The following NREP variants were observed in gnomAD, a reference collection of about 807,000 sequenced individuals.
NREP encodes the protein neuronal regeneration related protein.
Under a neutral mutation model 8.6 loss-of-function variants are expected in NREP, and 5 were observed. The ratio of observed to expected loss-of-function variants is 0.58; its 90% confidence interval spans 0.30 to 1.22. The LOEUF (loss-of-function observed/expected upper bound fraction) is 1.22, where lower values mean the gene tolerates loss of function less well. NREP is among the 50% of genes most tolerant of loss of function. The pLI, the probability that NREP is intolerant of heterozygous loss-of-function variation, is 0.07. For synonymous variants in NREP, 27 were observed against 28.0 expected (o/e 0.96, Z 0.11); for missense variants, 86 against 82.5 (o/e 1.04, Z -0.17).
At position 111,943,042 on chromosome 5, in the gene NREP, T is replaced by C. The variant is rs186127853; in HGVS notation, c.135+32232A>G. On this transcript the variant is annotated intron_variant, in intron 2 of 3. Transcript: ENST00000395634. ...TCCCCTTTGATCTCCTATACATATG[T>C]GGCTCCCATCTCATCACTGCTGTCT... Among the ~76,000 whole-genome samples, 1,300 of 152,060 alleles carry C rather than the reference T, an allele frequency of 8.5e-3. 14 individuals carry two copies. Among genetic ancestry groups the C allele is most frequent in the Middle Eastern group, 0.014 (4 of 294 alleles).
At chr5:111,864,115 A>G (rs557568471) in intron 2 of NREP, among the ~76,000 whole-genome samples, 1 of 152,144 alleles carries the variant, frequency 6.6e-6, no homozygotes, top group African/African-American at 2.4e-5. Context: ...TGGCATCTCT[A>G]ATCTACCAAA....
intron 2 of NREP, among the ~76,000 whole-genome samples, chr5:111,966,983 T>C (rs1213656227): frequency 1.3e-5 from 2 of 152,212 alleles, no homozygotes; most frequent in Admixed American, 1.3e-4. Flanking sequence ...CAAAGAGACA[T>C]CTGGCCCCCA....
intron 2 of NREP, among the ~76,000 whole-genome samples, chr5:111,820,134 G>C (rs368841507): frequency 6.9e-6 from 1 of 144,790 alleles, no homozygotes; most frequent in African/African-American, 2.6e-5. Flanking sequence ...CTCCCACTTT[G>C]ACATCTGATC....
chr5:111,960,847 A>G (rs1756459976), intron 2 of NREP, among the ~76,000 whole-genome samples: 1 of 152,236 alleles, frequency 6.6e-6, no homozygotes. Flanking sequence ...GCAGTTAGGT[A>G]TTTATAAAGC....
At chr5:111,815,835 G>T (rs1196663060) in intron 2 of NREP, among the ~76,000 whole-genome samples, 1 of 152,090 alleles carries the variant, frequency 6.6e-6, no homozygotes, top group East Asian at 1.9e-4. Context: ...TGTAAGAAAA[G>T]TTCTAAGAAA....
intron 2 of NREP, among the ~76,000 whole-genome samples, chr5:111,944,109 CAA>C (rs1315202850): frequency 6.6e-6 from 1 of 151,878 alleles, no homozygotes; most frequent in African/African-American, 2.4e-5. Context: ...TGAAAATTTC[CAA>C]AAGTCTTCTT....
Position 111,811,443 on chromosome 5 carries a change from C to T in NREP, c.136-75936G>A, listed in dbSNP as rs1164161651. Among the ~76,000 whole-genome samples the T allele has an allele frequency of 7.9e-5, 12 of 152,300 alleles. No individual in the cohort carries two copies. In the East Asian group the frequency reaches 1.5e-3, roughly 20 times the overall value. On this transcript the variant is annotated intron_variant, in intron 2 of 3. Coordinates refer to the NREP transcript ENST00000395634. ...GTTGCTCTTTTTGAGTCCCCTAACT[C>T]GGGTCCCACCTCTTTCAACGAAGAC...
At chr5:111,810,802 G>T (rs545575831) in intron 2 of NREP, among the ~76,000 whole-genome samples, 3 of 152,106 alleles carry the variant, frequency 2.0e-5, no homozygotes, top group African/African-American at 7.2e-5. Context: ...GTTTTGGGGG[G>T]TACAAAATAG....
intron 2 of NREP, among the ~76,000 whole-genome samples, chr5:111,870,292 G>A (rs530515188): frequency 1.6e-4 from 25 of 152,212 alleles, no homozygotes; most frequent in South Asian, 1.0e-3. Context: ...AGCCAGGCGT[G>A]GTGGCACACA....
chr5:111,902,517 C>G (rs1468857208), intron 2 of NREP, among the ~76,000 whole-genome samples: 1 of 152,070 alleles, frequency 6.6e-6, no homozygotes, highest in Non-Finnish European at 1.5e-5. Flanking sequence ...AAACTACAAT[C>G]AAAGTAACAG....
intron 2 of NREP, among the ~76,000 whole-genome samples, chr5:111,860,268 A>T (rs1315342127): frequency 6.6e-6 from 1 of 152,096 alleles, no homozygotes; most frequent in Non-Finnish European, 1.5e-5. Flanking sequence ...TACACTGAAG[A>T]CCTTAGTGCC....
intron 2 of NREP, among the ~76,000 whole-genome samples, chr5:111,768,386 T>C (rs184203476): frequency 2.4e-4 from 36 of 152,302 alleles, no homozygotes; most frequent in Non-Finnish European, 5.0e-4. Flanking sequence ...TTATTTAGAT[T>C]CAGGGGGTAC....
chr5:111,925,507 C>T (rs886373542), intron 2 of NREP, among the ~76,000 whole-genome samples: 34 of 152,096 alleles, frequency 2.2e-4, no homozygotes, highest in Admixed American at 1.7e-3. Context: ...TGTAAAAGAC[C>T]GAGGTGGCTA....
intron 2 of NREP, among the ~76,000 whole-genome samples, chr5:111,971,290 A>G (rs1039029773): frequency 6.6e-6 from 1 of 152,236 alleles, no homozygotes; most frequent in Admixed American, 6.5e-5. Flanking sequence ...TACAGATTCA[A>G]TGTAATGTCT....
At chr5:111,945,752 T>C (rs917161747) in intron 2 of NREP, among the ~76,000 whole-genome samples, 1 of 91,768 alleles carries the variant, frequency 1.1e-5, no homozygotes, top group Non-Finnish European at 2.2e-5. Flanking sequence ...TATGTCTCTA[T>C]TTCACAGCCC....
intron 3 of NREP, chr5:111,734,505 T>C: frequency 2.4e-6 from 1 of 416,602 alleles, no homozygotes; most frequent in Non-Finnish European, 4.3e-6. Context: ...TCTGCAAGAT[T>C]AAAAGTGATT....
intron 2 of NREP, among the ~76,000 whole-genome samples, chr5:111,741,458 C>G (rs1448477795): frequency 6.6e-6 from 1 of 152,114 alleles, no homozygotes; most frequent in African/African-American, 2.4e-5. Flanking sequence ...TGTTACTGGT[C>G]ATATGAGAGG....
At chr5:111,729,137 C>G (rs1748336185), downstream of NREP, 1 of 152,170 alleles carries the variant, frequency 6.6e-6, no homozygotes, top group South Asian at 2.1e-4. Context: ...CTCATAAAAT[C>G]CTCAAAAGGG....
chr5:111,892,237 G>A (rs1235856771), intron 2 of NREP, among the ~76,000 whole-genome samples: 2 of 152,172 alleles, frequency 1.3e-5, no homozygotes, highest in Non-Finnish European at 2.9e-5. Context: ...GAATGAGAAT[G>A]AGACTGGAGA....
Sources: gnomAD v4.1 joint callset for allele counts (sites outside exome capture counted in the v4.1 genomes callset) on GRCh38, gnomAD v4.1.1 for gene constraint, MANE v1.5 for transcripts, NCBI Gene and HGNC (gene_info 2026-07-23, HGNC 2026-07-21) for gene names.